RAP1GAP: variants seen among roughly 807,000 people sequenced by gnomAD.
RAP1GAP encodes the protein RAP1 GTPase activating protein.
RAP1GAP carries 35 observed loss-of-function variants against 87.2 expected under a neutral mutation model. The ratio of observed to expected loss-of-function variants is 0.40; its 90% CI spans 0.31 to 0.53. RAP1GAP has a LOEUF of 0.53. Among genes scored for constraint, RAP1GAP ranks in the 20% least tolerant of loss-of-function variants. The probability of loss-of-function intolerance (pLI) is 0.48; values close to 1 mark genes in which losing one functional copy is unlikely to be tolerated. For synonymous variants in RAP1GAP, 375 were observed against 363.9 expected, an observed-to-expected ratio of 1.03 and a Z score of -0.35; for missense variants, 734 against 898.9, an observed-to-expected ratio of 0.82 and a Z score of 2.35.
intron 2 of RAP1GAP, among the ~76,000 whole-genome samples, chr1:21,644,419 G>T (rs2095829572): frequency 6.6e-6 from 1 of 152,156 alleles, no homozygotes; most frequent in African/African-American, 2.4e-5. Context: ...ACCTTGAACA[G>T]GTTACTTAAC....
Position 21,603,622 on chromosome 1 carries a change from GC to G in RAP1GAP, c.1429-710del, listed in dbSNP as rs1256720891. 1.4e-6 allele frequency: 1 copy of G among 733,040 alleles called. No homozygotes were observed. The highest frequency in any genetic ancestry group is 2.5e-6 in the Non-Finnish European group (1 of 401,982). 45.4% of individuals were successfully genotyped at this position (733,040 alleles called of 1,614,324 possible). A position where few individuals can be genotyped will look rare whatever the true frequency, so the allele number is the denominator to read the frequency against. ...CCCAGGGGCCAAGGCAGGGCCAGAA[GC>G]CCCTGGTGAGGGGCACTGGCTCTGG... On this transcript the variant is annotated intron_variant, in intron 18 of 24. Coordinates refer to ENST00000374765, the MANE Select transcript of RAP1GAP (RefSeq NM_002885.4). This position sits in a 1 kb window ranked among gnomAD's most constrained non-coding sequence, Gnocchi z 6.0.
Position 21,614,053 on chromosome 1 carries a change from C to T in RAP1GAP, c.328G>A (p.Gly110Ser), listed in dbSNP as rs2080254289. The T allele has an allele frequency of 1.2e-6, 2 of 1,611,988 alleles. No homozygotes were observed. The highest frequency in any genetic ancestry group is 1.3e-5 in the African/African-American group (1 of 74,972). The change falls in exon 8 of 25, where the codon GGC becomes AGC. Residue 110 changes from glycine to serine, a missense_variant. Physicochemically the swap from Gly to Ser is moderately conservative, Grantham distance 56. Transcript: ENST00000374765. Reference protein sequence around the residue: ...FNYYSLDAALGHLVFSLKYDV... With the variant: ...FNYYSLDAALSHLVFSLKYDV... Reference sequence around the variant, plus strand: ...TACTTGAGTGAGAAGACAAGGTGGCCGAGGGCAGCGTCCAGTGAGTAGTAA... The same window carrying T: ...TACTTGAGTGAGAAGACAAGGTGGCTGAGGGCAGCGTCCAGTGAGTAGTAA...
At chr1:21,606,598 T>TG (rs1286191816) in intron 17 of RAP1GAP, among the ~76,000 whole-genome samples, 1 of 152,212 alleles carries the variant, frequency 6.6e-6, no homozygotes, top group African/African-American at 2.4e-5. Context: ...AGAGCCCTCT[T>TG]GACACCTCAG....
chr1:21,620,155 C>T (rs143927344), intron 3 of RAP1GAP, 105 bp from the exon 4 acceptor site: 6 of 1,213,806 alleles, frequency 4.9e-6, no homozygotes, highest in Admixed American at 3.8e-5. Context: ...GATCAGTGAC[C>T]GAGGCACCTG....
chr1:21,614,111 A>AT, intron 7 of RAP1GAP, 22 bp from the exon 8 acceptor site: 1 of 1,521,346 alleles, frequency 6.6e-7, no homozygotes, highest in Non-Finnish European at 9.0e-7. Context: ...GGTGGGGGCC[A>AT]GGGGAGTGGG....
chr1:21,603,816 CG>C lies in RAP1GAP; in HGVS notation c.1429-904del, dbSNP rs762542306. On this transcript the variant is annotated intron_variant, in intron 18 of 24. Transcript: ENST00000374765. This position sits in a 1 kb window ranked among gnomAD's most constrained non-coding sequence, Gnocchi z 6.0. ...GCGTGCAGGCAGCCTCCAGAGCCGG[CG>C]GCCCCGCGGACGACAACCTCTTCCA... The C allele has an allele frequency of 6.2e-7, 1 of 1,608,126 alleles. No homozygotes were observed. Among genetic ancestry groups the C allele is most frequent in the Non-Finnish European group, 8.5e-7 (1 of 1,175,752 alleles).
In RAP1GAP at chr1:21,617,309, G is replaced by A; in HGVS notation, c.288C>T (p.Gly96=). ...TARIYRKHFL[G]KEHFNYYSLD... ...GCTGCACCAGCCGGCCACCCACCTT[G>A]CCGAGAAAGTGCTTCCGGTAGATGC... is the stretch of plus-strand genomic sequence containing the variant. The change falls in exon 7 of 25, where the codon GGC becomes GGT. Residue 96 remains glycine, a synonymous_variant. Transcript: ENST00000374765. The A allele has an allele frequency of 6.4e-7, 1 of 1,569,576 alleles. No homozygotes were observed. Among genetic ancestry groups the A allele is most frequent in the East Asian group, 2.3e-5 (1 of 42,748 alleles).
chr1:21,602,975 TC>T, intron 18 of RAP1GAP, 62 bp from the exon 19 acceptor site: 1 of 1,255,570 alleles, frequency 8.0e-7, no homozygotes. Context: ...CCCCCCCACA[TC>T]CCCTCTGGGG....
chr1:21,598,169 T>G (rs1487808179), intron 22 of RAP1GAP, 105 bp from the exon 23 acceptor site: 2 of 814,958 alleles, frequency 2.5e-6, no homozygotes, highest in Non-Finnish European at 3.8e-6. Flanking sequence ...AACCCCACCC[T>G]TAACTTTCTT....
At chr1:21,604,169 C>T (rs922558567) in intron 18 of RAP1GAP, among the ~76,000 whole-genome samples, 1 of 151,746 alleles carries the variant, frequency 6.6e-6, no homozygotes, top group East Asian at 1.9e-4. Context: ...GACAGGGACA[C>T]GCGTGAGCCA....
Position 21,622,037 on chromosome 1 carries a change from C to T in RAP1GAP, c.-18-1987G>A, listed in dbSNP as rs1000529183. Among the ~76,000 whole-genome samples the T allele has an allele frequency of 6.6e-6, 1 of 152,138 alleles. No individual in the cohort carries two copies. Among genetic ancestry groups the T allele is most frequent in the Admixed American group, 6.6e-5 (1 of 15,266 alleles). ...CAAAGTGGCCCTGGAGCATTCAGAG[C>T]CCCCCAAACGGGGCAGGGGCAGGGT... On this transcript the variant is annotated intron_variant, in intron 3 of 24. Transcript: ENST00000374765. The surrounding 1 kb of genome is among the most constrained non-coding windows in gnomAD (Gnocchi z 5.7).
intron 14 of RAP1GAP, 23 bp downstream of exon 14, chr1:21,610,096 CT>C (rs1558660656): frequency 3.1e-6 from 5 of 1,611,922 alleles, no homozygotes; most frequent in Non-Finnish European, 3.4e-6. Context: ...GCTGATGCCC[CT>C]GGGAGGCTCC....
chr1:21,613,714 G>A lies in RAP1GAP; in HGVS notation c.396-8C>T. 6.2e-7 allele frequency: 1 copy of A among 1,608,778 alleles called. No individual in the cohort carries two copies. Among genetic ancestry groups the A allele is most frequent in the Non-Finnish European group, 8.5e-7 (1 of 1,175,780 alleles). On this transcript the variant is annotated splice_region_variant and splice_polypyrimidine_tract_variant and intron_variant, in intron 8 of 24. Coordinates refer to ENST00000374765, the MANE Select transcript of RAP1GAP (RefSeq NM_002885.4). This position sits in a 1 kb window ranked among gnomAD's most constrained non-coding sequence, Gnocchi z 4.7. ...TATGTCCGGCACTTGGTCCTGAGAA[G>A]AGAAAGTCACACGATGAAGGCCTGG...
At chr1:21,607,904 C>G (rs543152243) in intron 17 of RAP1GAP, among the ~76,000 whole-genome samples, 7 of 151,936 alleles carry the variant, frequency 4.6e-5, no homozygotes, top group African/African-American at 1.7e-4. Flanking sequence ...GACTCCACCC[C>G]CAGCCACGTC....
At chr1:21,628,723 A>T (rs764822378) in intron 2 of RAP1GAP, among the ~76,000 whole-genome samples, 33 of 151,918 alleles carry the variant, frequency 2.2e-4, no homozygotes, top group Middle Eastern at 3.4e-3. Flanking sequence ...CATCTCAAAT[A>T]AAAAAAATAC....
At chr1:21,636,914 AAGGGAGGGAGGGAGGG>A (rs1217233454) in intron 2 of RAP1GAP, among the ~76,000 whole-genome samples, 82 of 102,488 alleles carry the variant, frequency 8.0e-4, no homozygotes, top group East Asian at 4.9e-3. Flanking sequence ...GGAAGGAAGG[AAGGGAGGGAGGGAGGG>A]AGGGAGGGAG....
Position 21,668,446 on chromosome 1 carries a change from C to T in RAP1GAP, c.-149+808G>A, listed in dbSNP as rs1571605783. Reference sequence around the variant, plus strand: ...CCCACCACCGGGCCTGTGCTATGACCCCAACAAGGACTCCGAGGGCATGCA... The same window carrying T: ...CCCACCACCGGGCCTGTGCTATGACTCCAACAAGGACTCCGAGGGCATGCA... On this transcript the variant is annotated intron_variant, in intron 1 of 24. Transcript: ENST00000374765. The surrounding 1 kb of genome is among the most constrained non-coding windows in gnomAD (Gnocchi z 6.2). The T allele has an allele frequency of 6.6e-6, 1 of 152,632 alleles. No homozygotes were observed. Among genetic ancestry groups the T allele is most frequent in the East Asian group, 1.9e-4 (1 of 5,176 alleles). The allele number at this position is 152,632 out of a possible 1,614,324, so 9.5% of individuals were successfully genotyped here. A position where few individuals can be genotyped will look rare whatever the true frequency, so the allele number is the denominator to read the frequency against.
chr1:21,598,569 C>T (rs915460121), intron 21 of RAP1GAP, 67 bp from the exon 22 acceptor site: 1 of 1,310,478 alleles, frequency 7.6e-7, no homozygotes, highest in Non-Finnish European at 1.1e-6. Flanking sequence ...GGGCTCCCTC[C>T]CAGCCCCTCT....
intron 1 of RAP1GAP, among the ~76,000 whole-genome samples, chr1:21,654,361 C>A (rs567465506): frequency 6.6e-6 from 1 of 152,196 alleles, no homozygotes; most frequent in Non-Finnish European, 1.5e-5. Context: ...GTCACCTGTG[C>A]GACCTTGGTC....
Sources: gnomAD v4.1 joint callset for allele counts (sites outside exome capture counted in the v4.1 genomes callset) on GRCh38, gnomAD v4.1.1 for gene constraint, Gnocchi (gnomAD v3.1) non-coding constraint, MANE v1.5 for transcripts, NCBI Gene and HGNC (gene_info 2026-07-23, HGNC 2026-07-21) for gene names.